The following NEGR1 variants were observed in gnomAD, a reference collection of about 807,000 sequenced individuals.
The protein encoded by NEGR1 is neuronal growth regulator 1, also known as IgLON family member 4.
A neutral mutation model predicts 40.9 loss-of-function variants in NEGR1; 10 were observed. That is an observed-to-expected ratio of 0.24 (90% CI 0.15 to 0.42). The LOEUF is 0.42. Ranked by LOEUF, NEGR1 falls within the 10% of genes least tolerant of loss-of-function variation. The probability of loss-of-function intolerance (pLI) is 1.00; values close to 1 mark genes in which losing one functional copy is unlikely to be tolerated. For synonymous variants in NEGR1, 185 were observed against 166.8 expected (o/e 1.11, Z -0.84); for missense variants, 352 against 438.9 (o/e 0.80, Z 1.77).
At chr1:71,867,330 T>C (rs1660145717) in intron 2 of NEGR1, among the ~76,000 whole-genome samples, 1 of 152,184 alleles carries the variant, frequency 6.6e-6, no homozygotes, top group East Asian at 1.9e-4. Context: ...GTCGACATTA[T>C]GCCACTGAAC....
chr1:71,574,324 T>A (rs767805105), intron 6 of NEGR1, among the ~76,000 whole-genome samples: 1 of 152,210 alleles, frequency 6.6e-6, no homozygotes, highest in African/African-American at 2.4e-5. Context: ...CCCAGGAGTC[T>A]TGTGTTTTCT....
intron 1 of NEGR1, among the ~76,000 whole-genome samples, chr1:72,080,089 A>G (rs1395714220): frequency 2.0e-5 from 3 of 152,038 alleles, no homozygotes; most frequent in Non-Finnish European, 4.4e-5. Flanking sequence ...TTTTTTGACA[A>G]TGTGCAATCC....
intron 6 of NEGR1, among the ~76,000 whole-genome samples, chr1:71,523,978 A>C (rs1647185101): frequency 6.6e-6 from 1 of 151,750 alleles, no homozygotes; most frequent in South Asian, 2.1e-4. Flanking sequence ...CTAAATGCAA[A>C]ATCTTCATTT....
At chr1:71,894,356 A>G (rs1025441052) in intron 2 of NEGR1, among the ~76,000 whole-genome samples, 6 of 152,198 alleles carry the variant, frequency 3.9e-5, no homozygotes, top group African/African-American at 1.4e-4. Context: ...GGGGAACCAC[A>G]TTGAAACAGG....
At chr1:72,163,480 G>A (rs1282643360) in intron 1 of NEGR1, among the ~76,000 whole-genome samples, 1 of 152,030 alleles carries the variant, frequency 6.6e-6, no homozygotes, top group East Asian at 1.9e-4. Flanking sequence ...AGTAAATGTA[G>A]TCAAGCTATA....
intron 1 of NEGR1, among the ~76,000 whole-genome samples, chr1:72,176,856 G>A: frequency 6.6e-6 from 1 of 152,030 alleles, no homozygotes; most frequent in Non-Finnish European, 1.5e-5. Context: ...GCCAGATGTA[G>A]ATAGCTTATA....
At chr1:71,524,849 A>G (rs72938059) in intron 6 of NEGR1, among the ~76,000 whole-genome samples, 6,314 of 151,766 alleles carry the variant, frequency 0.042, 438 homozygotes, top group African/African-American at 0.14. Context: ...ACATGAGAAA[A>G]ATTTGAGTGG....
In NEGR1 at chr1:71,407,421, A is replaced by T. The variant is rs1646285127; in HGVS notation, c.*25T>A. Reference sequence around the variant, plus strand: ...CCATCAGCACTTTCAGAGAATCCTTAAAAGCCTTTTATGGGTCTTTGAATT... The same window carrying T: ...CCATCAGCACTTTCAGAGAATCCTTTAAAGCCTTTTATGGGTCTTTGAATT... On this transcript the variant is annotated 3_prime_UTR_variant, in exon 7 of 7. Transcript: ENST00000357731. 6.2e-7 allele frequency: 1 copy of T among 1,608,254 alleles called. No individual in the cohort carries two copies. Among genetic ancestry groups the T allele is most frequent in the Non-Finnish European group, 8.5e-7 (1 of 1,176,476 alleles).
At chr1:71,762,359 A>G (rs561219016) in intron 3 of NEGR1, among the ~76,000 whole-genome samples, 1 of 152,194 alleles carries the variant, frequency 6.6e-6, no homozygotes, top group East Asian at 1.9e-4. Context: ...AAATACATCA[A>G]TCAAAATAGA....
chr1:71,886,821 C>A (rs1419905936), intron 2 of NEGR1, among the ~76,000 whole-genome samples: 1 of 152,096 alleles, frequency 6.6e-6, no homozygotes, highest in Non-Finnish European at 1.5e-5. Flanking sequence ...AGGAGAAGAG[C>A]ACAGGAAAGG....
At chr1:72,247,662 C>G (rs922424195) in intron 1 of NEGR1, among the ~76,000 whole-genome samples, 1 of 152,182 alleles carries the variant, frequency 6.6e-6, no homozygotes, top group Non-Finnish European at 1.5e-5. Flanking sequence ...TGTAACAAGT[C>G]TCTAAGAAGT....
intron 3 of NEGR1, among the ~76,000 whole-genome samples, chr1:71,736,684 G>C (rs1284082203): frequency 1.3e-5 from 2 of 152,164 alleles, no homozygotes; most frequent in Admixed American, 1.3e-4. Context: ...TCCTGGATCA[G>C]AGTTTTCCCA....
At chr1:71,896,609 A>T (rs1481855882) in intron 2 of NEGR1, among the ~76,000 whole-genome samples, 1 of 152,134 alleles carries the variant, frequency 6.6e-6, no homozygotes, top group African/African-American at 2.4e-5. Context: ...AATCTAAAAA[A>T]CCATTGCCTA....
intron 4 of NEGR1, among the ~76,000 whole-genome samples, chr1:71,680,619 A>C (rs1652807650): frequency 1.3e-5 from 2 of 151,894 alleles, no homozygotes; most frequent in South Asian, 4.2e-4. Flanking sequence ...TTAATTTTTG[A>C]CTTAAGCTAG....
intron 3 of NEGR1, among the ~76,000 whole-genome samples, chr1:71,719,532 C>T (rs571843678): frequency 6.6e-5 from 10 of 151,904 alleles, no homozygotes; most frequent in African/African-American, 9.7e-5. Flanking sequence ...CTTCTGGTGA[C>T]GTCACACTAG....
chr1:71,759,596 C>CTTTTTTTTTTTTTT lies in NEGR1; in HGVS notation c.535+16562_535+16575dup, dbSNP rs71074804. On this transcript the variant is annotated intron_variant, in intron 3 of 6. Transcript: ENST00000357731. ...ACAGGCGTGAGCCACTGCGTCCAGG[C>CTTTTTTTTTTTTTT]TTTTTTTTTTTTTTTTTTTTTTTTT... is the stretch of plus-strand genomic sequence containing the variant. Among the ~76,000 whole-genome samples, 9 of 31,964 alleles carry CTTTTTTTTTTTTTT rather than the reference C, an allele frequency of 2.8e-4. 2 individuals are homozygous for CTTTTTTTTTTTTTT. Among genetic ancestry groups the CTTTTTTTTTTTTTT allele is most frequent in the African/African-American group, 5.6e-4 (6 of 10,776 alleles). 21.0% of individuals were successfully genotyped at this position (31,964 alleles called of 152,430 possible).
At chr1:71,965,942 G>A (rs1646206351) in intron 1 of NEGR1, among the ~76,000 whole-genome samples, 1 of 152,138 alleles carries the variant, frequency 6.6e-6, no homozygotes, top group East Asian at 1.9e-4. Context: ...CTTGTGGAGT[G>A]TGCCATGTGA....
rs750483779 is a variant in NEGR1, at chr1:71,568,829, C to CAT, written c.940+23987_940+23988insAT. ...GTGTGTGTATGTGTATATATGTATA[C>CAT]GTGTGTGTGTGTGTGTGTGTGTGTG... On this transcript the variant is annotated intron_variant, in intron 6 of 6. Coordinates refer to ENST00000357731, the MANE Select transcript of NEGR1 (RefSeq NM_173808.3). Among the ~76,000 whole-genome samples the CAT allele has an allele frequency of 2.3e-3, 340 of 147,582 alleles. 2 individuals carry two copies. The highest frequency in any genetic ancestry group is 3.9e-3 in the Admixed American group (57 of 14,738).
intron 1 of NEGR1, among the ~76,000 whole-genome samples, chr1:72,007,426 C>A (rs895369941): frequency 6.6e-6 from 1 of 151,084 alleles, no homozygotes; most frequent in African/African-American, 2.4e-5. Flanking sequence ...TCTTTTTTAA[C>A]CTGACCAATT....
Sources: gnomAD v4.1 joint callset for allele counts (sites outside exome capture counted in the v4.1 genomes callset) on GRCh38, gnomAD v4.1.1 for gene constraint, MANE v1.5 for transcripts, NCBI Gene and HGNC (gene_info 2026-07-23, HGNC 2026-07-21) for gene names.